CCDC102B: variants seen among roughly 807,000 people sequenced by gnomAD.
CCDC102B encodes coiled-coil domain-containing protein 102B.
CCDC102B carries 75 observed loss-of-function variants against 57.4 expected under a neutral mutation model. That is an observed-to-expected ratio of 1.31 (90% CI 1.08 to 1.58). CCDC102B has a LOEUF of 1.58. Ranked by LOEUF, CCDC102B falls within the 40% of genes most tolerant of loss-of-function variation. The probability of loss-of-function intolerance (pLI) is 0.00; values close to 1 mark genes in which losing one functional copy is unlikely to be tolerated. For synonymous variants in CCDC102B, 206 were observed against 201.9 expected (o/e 1.02, Z -0.17); for missense variants, 636 against 582.6 (o/e 1.09, Z -0.94).
At chr18:68,864,870 A>G (rs1050659373) in intron 4 of CCDC102B, among the ~76,000 whole-genome samples, 3 of 151,934 alleles carry the variant, frequency 2.0e-5, no homozygotes, top group African/African-American at 7.3e-5. Context: ...ATTCTTTCCA[A>G]ATATTCCTTG....
chr18:68,747,631 A>G (rs1201807891), intron 2 of CCDC102B, among the ~76,000 whole-genome samples: 1 of 152,074 alleles, frequency 6.6e-6, no homozygotes, highest in Admixed American at 6.6e-5. Context: ...TTCACCTTCT[A>G]TGACTGGTTT....
chr18:68,741,460 AC>A (rs1032942906), intron 2 of CCDC102B, among the ~76,000 whole-genome samples: 1 of 152,186 alleles, frequency 6.6e-6, no homozygotes, highest in Non-Finnish European at 1.5e-5. Flanking sequence ...GGATAGCTGA[AC>A]CATGGGGATC....
intron 2 of CCDC102B, among the ~76,000 whole-genome samples, chr18:68,746,851 C>T (rs919927663): frequency 6.6e-6 from 1 of 151,760 alleles, no homozygotes; most frequent in East Asian, 1.9e-4. Flanking sequence ...AATATCATTA[C>T]CACGATCAAG....
At chr18:68,845,409 G>T (rs895408788) in intron 3 of CCDC102B, among the ~76,000 whole-genome samples, 2 of 151,706 alleles carry the variant, frequency 1.3e-5, no homozygotes, top group African/African-American at 4.8e-5. Flanking sequence ...AACAATCAAA[G>T]TGTATTTACC....
intron 6 of CCDC102B, among the ~76,000 whole-genome samples, chr18:68,967,427 A>T (rs1355260763): frequency 6.6e-6 from 1 of 151,324 alleles, no homozygotes; most frequent in Non-Finnish European, 1.5e-5. Context: ...TTTAGCACAA[A>T]TTCACTATAA....
At chr18:68,973,023 T>C (rs1193933805) in intron 6 of CCDC102B, among the ~76,000 whole-genome samples, 1 of 152,186 alleles carries the variant, frequency 6.6e-6, no homozygotes, top group Non-Finnish European at 1.5e-5. Flanking sequence ...AATGTTATTT[T>C]GGTGAGATTT....
intron 2 of CCDC102B, chr18:68,718,190 C>T (rs533009957): frequency 3.3e-4 from 51 of 152,280 alleles, no homozygotes; most frequent in African/African-American, 1.2e-3. Context: ...CACATGTCCT[C>T]ACCAAAAGTC....
chr18:68,959,534 G>A (rs543915504), intron 6 of CCDC102B, among the ~76,000 whole-genome samples: 2 of 152,046 alleles, frequency 1.3e-5, no homozygotes, highest in Non-Finnish European at 1.5e-5. Context: ...CAGGACCTAA[G>A]GGCTCGATAT....
At chr18:68,876,839 A>G (rs1343529481) in intron 5 of CCDC102B, among the ~76,000 whole-genome samples, 1 of 152,210 alleles carries the variant, frequency 6.6e-6, no homozygotes, top group Non-Finnish European at 1.5e-5. Flanking sequence ...AACAGAATCA[A>G]GCTGTCACAG....
rs1390744089 is a variant in CCDC102B at position 68,896,193 on chromosome 18, G to GA, written c.1054-1021dup. ...TTCACTTCTACTTACAATGTCCACA[G>GA]AAAAATTATAGCAGACGAATATAAT... On this transcript the variant is annotated intron_variant, in intron 5 of 7. Transcript: ENST00000360242. Among the ~76,000 whole-genome samples the GA allele has an allele frequency of 2.0e-5, 3 of 151,866 alleles. No individual in the cohort carries two copies. In the East Asian group the frequency reaches 5.8e-4, roughly 29 times the overall value.
chr18:69,014,545 A>G (rs529754383), intron 7 of CCDC102B, among the ~76,000 whole-genome samples: 2 of 152,216 alleles, frequency 1.3e-5, no homozygotes, highest in Admixed American at 1.3e-4. Context: ...GGAAGCATTT[A>G]TAGAAATTTT....
chr18:68,972,218 T>C (rs1182337263), intron 6 of CCDC102B, among the ~76,000 whole-genome samples: 4 of 152,186 alleles, frequency 2.6e-5, no homozygotes, highest in Non-Finnish European at 5.9e-5. Context: ...TGTTTCCACG[T>C]AGGTTTCTTC....
At position 69,054,083 on chromosome 18, in the gene CCDC102B, G is replaced by C; in HGVS notation, c.1488G>C (p.Glu496Asp). 1.9e-6 allele frequency: 3 copies of C among 1,606,718 alleles called. No homozygotes were observed. The South Asian group carries it at 3.3e-5, about 18-fold the overall frequency. Residue 496 changes from glutamate to aspartate, a missense_variant, in exon 8 of 8, where the codon GAG becomes GAC. Physicochemically the swap from Glu to Asp is conservative, Grantham distance 45. Coordinates refer to ENST00000360242, the MANE Select transcript of CCDC102B (RefSeq NM_024781.3). ...IRKLQRSLDEEKERNENLETE... is the reference protein window; with the variant it reads ...IRKLQRSLDEDKERNENLETE... ...AGCTCCAGAGGTCTCTGGATGAAGA[G>C]AAAGAAAGAAATGAAAACTTAGAGA...
intron 3 of CCDC102B, among the ~76,000 whole-genome samples, chr18:68,842,000 A>G (rs1286663715): frequency 6.6e-6 from 1 of 152,068 alleles, no homozygotes; most frequent in Non-Finnish European, 1.5e-5. Context: ...TGGCTTCCCA[A>G]AGTGCTAGGA....
chr18:69,034,361 A>G (rs1018062739), intron 7 of CCDC102B, among the ~76,000 whole-genome samples: 13 of 151,944 alleles, frequency 8.6e-5, no homozygotes, highest in Admixed American at 6.6e-4. Flanking sequence ...ATTTGGGTCT[A>G]TGATCTCTTC....
intron 6 of CCDC102B, among the ~76,000 whole-genome samples, chr18:69,003,468 T>G (rs545935130): frequency 3.9e-5 from 6 of 152,236 alleles, no homozygotes; most frequent in African/African-American, 1.4e-4. Flanking sequence ...TTGGGAGATA[T>G]TTTGTGATTA....
At chr18:68,788,631 A>T (rs1299886796) in intron 2 of CCDC102B, among the ~76,000 whole-genome samples, 2 of 148,934 alleles carry the variant, frequency 1.3e-5, no homozygotes, top group Non-Finnish European at 3.0e-5. Flanking sequence ...AGTCTGTTTT[A>T]TCAGAGACTA....
At chr18:68,815,744 T>C (rs181483561) in intron 1 of CCDC102B, among the ~76,000 whole-genome samples, 3 of 152,058 alleles carry the variant, frequency 2.0e-5, no homozygotes, top group East Asian at 3.9e-4. Flanking sequence ...CACAAACTTC[T>C]TTTTTTCATC....
upstream of CCDC102B, among the ~76,000 whole-genome samples, chr18:68,794,353 T>C (rs1354384026): frequency 1.3e-5 from 2 of 152,158 alleles, no homozygotes; most frequent in Non-Finnish European, 2.9e-5. Flanking sequence ...CTAAACCCAT[T>C]AGATTTCCAC....
Sources: gnomAD v4.1 joint callset for allele counts (sites outside exome capture counted in the v4.1 genomes callset) on GRCh38, gnomAD v4.1.1 for gene constraint, MANE v1.5 for transcripts, NCBI Gene and HGNC (gene_info 2026-07-23, HGNC 2026-07-21) for gene names.